Variants in USH2A observed in about 807,000 individuals in gnomAD.
USH2A encodes the protein Usher syndrome 2A (autosomal recessive, mild).
USH2A carries 443 observed loss-of-function variants against 538.9 expected under a neutral mutation model. That is an observed-to-expected ratio of 0.82 (90% CI 0.76 to 0.89). USH2A has a LOEUF of 0.89. USH2A is among the 40% of genes least tolerant of loss of function. USH2A has a pLI of 0.00. For synonymous variants in USH2A, 2,413 were observed against 2,273.5 expected (o/e 1.06, Z -1.75); for missense variants, 6,633 against 6,324.8 (o/e 1.05, Z -1.65).
At chr1:216,118,807 C>T (rs1391256800) in intron 21 of USH2A, among the ~76,000 whole-genome samples, 1 of 152,198 alleles carries the variant, frequency 6.6e-6, no homozygotes, top group Non-Finnish European at 1.5e-5. Flanking sequence ...ATCCTGTCAG[C>T]CACCCATTAA....
intron 14 of USH2A, among the ~76,000 whole-genome samples, chr1:216,231,252 TATATATAATATA>T: frequency 1.0e-5 from 1 of 98,920 alleles, no homozygotes; most frequent in Non-Finnish European, 2.1e-5. Flanking sequence ...ATATATATTA[TATATATAATATA>T]TATATATAAT....
chr1:215,941,486 T>G (rs2102506089), intron 37 of USH2A, among the ~76,000 whole-genome samples: 1 of 152,252 alleles, frequency 6.6e-6, no homozygotes, highest in East Asian at 1.9e-4. Flanking sequence ...TTTTTCCAGC[T>G]GAACAAACTG....
chr1:216,250,710 T>C (rs2036141312), intron 12 of USH2A, among the ~76,000 whole-genome samples, 193 bp downstream of exon 12: 2 of 152,220 alleles, frequency 1.3e-5, no homozygotes, highest in Non-Finnish European at 2.9e-5. Flanking sequence ...TTGATTAAAC[T>C]AAGCTTCAAG....
chr1:216,255,803 A>G (rs2036247828), intron 11 of USH2A, among the ~76,000 whole-genome samples: 1 of 152,032 alleles, frequency 6.6e-6, no homozygotes, highest in Non-Finnish European at 1.5e-5. Context: ...AGTTTGTTCT[A>G]TTAATTATTG....
chr1:216,205,071 A>G (rs1314622255), intron 16 of USH2A, among the ~76,000 whole-genome samples: 10 of 152,202 alleles, frequency 6.6e-5, no homozygotes, highest in Admixed American at 6.5e-4. Context: ...TATAAAATAG[A>G]TCACAATATG....
At chr1:215,814,035 G>T in intron 48 of USH2A, 131 bp from the exon 49 acceptor site, 2 of 1,081,286 alleles carry the variant, frequency 1.8e-6, no homozygotes, top group Non-Finnish European at 2.7e-6. Context: ...ATATTTCGTT[G>T]GTTTAAAAAT....
intron 51 of USH2A, among the ~76,000 whole-genome samples, chr1:215,789,306 C>A (rs1042280509): frequency 6.6e-6 from 1 of 152,202 alleles, no homozygotes; most frequent in Non-Finnish European, 1.5e-5. Flanking sequence ...GTGGTCTACA[C>A]AAGGACTGTG....
chr1:215,887,742 T>G (rs979443812), intron 41 of USH2A, among the ~76,000 whole-genome samples: 1 of 152,224 alleles, frequency 6.6e-6, no homozygotes, highest in East Asian at 1.9e-4. Context: ...CAAATGTCCT[T>G]TGTTTTGTGC....
At chr1:215,668,583 G>A (rs779630333) in intron 64 of USH2A, among the ~76,000 whole-genome samples, 1 of 152,156 alleles carries the variant, frequency 6.6e-6, no homozygotes, top group African/African-American at 2.4e-5. Flanking sequence ...ACACAGAGCC[G>A]ATAGTAACAG....
At chr1:215,752,030 T>C (rs767323685) in intron 58 of USH2A, among the ~76,000 whole-genome samples, 31 of 152,066 alleles carry the variant, frequency 2.0e-4, no homozygotes, top group Non-Finnish European at 4.1e-4. Context: ...CTTTGGAAAA[T>C]ATGTGTATGT....
At chr1:215,778,321 A>AGATT (rs1661523005) in intron 55 of USH2A, among the ~76,000 whole-genome samples, 1 of 152,058 alleles carries the variant, frequency 6.6e-6, no homozygotes, top group East Asian at 1.9e-4. Context: ...CAAAGTGCTG[A>AGATT]GATTACAGGC....
At chr1:215,678,315 ATC>A (rs1346848255) in intron 62 of USH2A, among the ~76,000 whole-genome samples, 1 of 152,200 alleles carries the variant, frequency 6.6e-6, no homozygotes, top group Non-Finnish European at 1.5e-5. Flanking sequence ...TGTTGGGACA[ATC>A]TGTCTCCTAC....
chr1:216,379,401 C>T (rs542231311), intron 3 of USH2A, among the ~76,000 whole-genome samples: 1 of 152,186 alleles, frequency 6.6e-6, no homozygotes, highest in African/African-American at 2.4e-5. Context: ...ATAGCATCTT[C>T]AACCAGCTGC....
chr1:216,423,074 AC>A (rs964717274), intron 1 of USH2A, 139 bp downstream of exon 1: 2 of 152,070 alleles, frequency 1.3e-5, no homozygotes, highest in African/African-American at 4.8e-5. Context: ...CTGATTAGAA[AC>A]CCAACACCAT....
In USH2A at chr1:216,281,507, C is replaced by A. The variant is rs988557475; in HGVS notation, c.1971+7773G>T. Among the ~76,000 whole-genome samples the A allele has an allele frequency of 5.3e-5, 8 of 152,244 alleles. No homozygotes were observed. In the South Asian group the frequency reaches 1.7e-3, roughly 32 times the overall value. ...CTATTCTTCGTCCGTCTTCCTTTCC[C>A]TACTCTAATTTCTGAGACTTGAGCA... is the stretch of plus-strand genomic sequence containing the variant. On this transcript the variant is annotated intron_variant, in intron 11 of 71. Coordinates refer to ENST00000307340, the MANE Select transcript of USH2A (RefSeq NM_206933.4).
chr1:215,884,399 G>T (rs1033068411), intron 41 of USH2A, among the ~76,000 whole-genome samples: 6 of 152,070 alleles, frequency 3.9e-5, no homozygotes, highest in Admixed American at 3.9e-4. Flanking sequence ...TCCATTTGTT[G>T]CAGTGTAAAG....
At chr1:215,660,170 C>A (rs546557619) in intron 64 of USH2A, among the ~76,000 whole-genome samples, 18 of 152,276 alleles carry the variant, frequency 1.2e-4, no homozygotes, top group South Asian at 8.3e-4. Context: ...TTCAACTTAT[C>A]AACTCTATAT....
intron 11 of USH2A, among the ~76,000 whole-genome samples, chr1:216,258,566 T>C (rs1009708087): frequency 6.6e-6 from 1 of 152,206 alleles, no homozygotes; most frequent in African/African-American, 2.4e-5. Flanking sequence ...CACTTGGCTA[T>C]ATCTCTTCAA....
At chr1:216,123,544 T>A (rs1205816507) in intron 21 of USH2A, among the ~76,000 whole-genome samples, 1 of 151,894 alleles carries the variant, frequency 6.6e-6, no homozygotes, top group Non-Finnish European at 1.5e-5. Flanking sequence ...TTTCACTGTT[T>A]CTGTTTTCAA....
Sources: gnomAD v4.1 joint callset for allele counts (sites outside exome capture counted in the v4.1 genomes callset) on GRCh38, gnomAD v4.1.1 for gene constraint, MANE v1.5 for transcripts, NCBI Gene and HGNC (gene_info 2026-07-23, HGNC 2026-07-21) for gene names.